DLGAP2: variants seen among roughly 807,000 people sequenced by gnomAD.
The protein encoded by DLGAP2 is disks large-associated protein 2.
DLGAP2 carries 26 observed loss-of-function variants against 100.3 expected under a neutral mutation model. The observed-to-expected ratio is 0.26, with a 90% CI of 0.19 to 0.36. DLGAP2 has a LOEUF of 0.36. Ranked by LOEUF, DLGAP2 falls within the 10% of genes least tolerant of loss-of-function variation. DLGAP2 has a pLI of 1.00. For missense variants in DLGAP2, 1,858 were observed against 1,453.2 expected (o/e 1.28, Z -4.53); for synonymous variants, 886 against 630.1 (o/e 1.41, Z -6.08).
At chr8:1,293,703 C>G (rs1800108943) in intron 3 of DLGAP2, among the ~76,000 whole-genome samples, 2 of 152,168 alleles carry the variant, frequency 1.3e-5, no homozygotes, top group African/African-American at 4.8e-5. Flanking sequence ...CCAGCCTGAG[C>G]CCTTCCCCAT....
At chr8:1,411,914 G>T (rs1007993795) in intron 3 of DLGAP2, among the ~76,000 whole-genome samples, 1 of 152,186 alleles carries the variant, frequency 6.6e-6, no homozygotes, top group Non-Finnish European at 1.5e-5. Context: ...CACAGAGTGT[G>T]GGGGTGGATG....
chr8:1,157,631 G>A (rs929441177), intron 2 of DLGAP2, among the ~76,000 whole-genome samples: 1 of 152,150 alleles, frequency 6.6e-6, no homozygotes, highest in Non-Finnish European at 1.5e-5. Context: ...TCACCTGTGT[G>A]TCCTCTTTGG....
At position 1,668,397 on chromosome 8, in the gene DLGAP2, A is replaced by G. The variant is rs1255748221; in HGVS notation, c.1879A>G (p.Ile627Val). ...CCCTCGGACCACCTCCAAGCCTCTG[A>G]TCTCGGTGACGGCGCAGAGCAGCAC... Reference protein sequence around the residue: ...VPPRTTSKPLISVTAQSSTES... With the variant: ...VPPRTTSKPLVSVTAQSSTES... The change falls in exon 9 of 15, where the codon ATC becomes GTC. Residue 627 changes from isoleucine to valine, a missense_variant. By Grantham distance (29) the Ile-to-Val change is conservative (BLOSUM62 3). Coordinates refer to ENST00000637795, the MANE Select transcript of DLGAP2 (RefSeq NM_001346810.2). 8.1e-6 allele frequency: 13 copies of G among 1,603,108 alleles called. No individual in the cohort carries two copies. The highest frequency in any genetic ancestry group is 1.1e-5 in the Non-Finnish European group (13 of 1,175,348).
chr8:1,098,694 C>G (rs867123882), intron 2 of DLGAP2, among the ~76,000 whole-genome samples: 2 of 118,508 alleles, frequency 1.7e-5, no homozygotes, highest in South Asian at 2.8e-4. Context: ...CGGGCGCCGC[C>G]ACCCACGCCA....
intron 4 of DLGAP2, among the ~76,000 whole-genome samples, chr8:1,538,548 C>T (rs1036229832): frequency 9.9e-5 from 15 of 152,190 alleles, no homozygotes; most frequent in South Asian, 2.1e-4. Context: ...AAAGCTGCTC[C>T]GTGCAGGGCG....
chr8:1,077,064 G>A (rs749387724), intron 2 of DLGAP2, among the ~76,000 whole-genome samples: 4 of 151,790 alleles, frequency 2.6e-5, no homozygotes, highest in Non-Finnish European at 4.4e-5. Flanking sequence ...AGTCTGTCCC[G>A]GGCTCCCCCA....
chr8:1,549,626 C>A lies in DLGAP2; in HGVS notation c.1173C>A (p.Asp391Glu), dbSNP rs150999171. ...ACCGCAAGAGCTCGCTGAACCTGGACAAGCCGCTGCTGCACCAGGACGCCA... is the reference window on the plus strand; with the variant it reads ...ACCGCAAGAGCTCGCTGAACCTGGAAAAGCCGCTGCTGCACCAGGACGCCA... ...EAYRKSSLNL[D>E]KPLLHQDAKP... is the part of the protein sequence containing the mutation. Residue 391 changes from aspartate (D) to glutamate (E), a missense_variant, in exon 5 of 15, where the codon GAC becomes GAA. Coordinates refer to ENST00000637795, the MANE Select transcript of DLGAP2 (RefSeq NM_001346810.2). 8.0e-5 allele frequency: 125 copies of A among 1,563,498 alleles called. No homozygotes were observed. The highest frequency in any genetic ancestry group is 3.8e-4 in the Admixed American group (20 of 52,066).
chr8:1,483,664 G>GCAGGGAGGCAGGTGCAGGAGATGGGGAC (rs1799163460), intron 3 of DLGAP2, among the ~76,000 whole-genome samples: 1 of 121,996 alleles, frequency 8.2e-6, no homozygotes. Flanking sequence ...TCTACACAGA[G>GCAGGGAGGCAGGTGCAGGAGATGGGGAC]CAGGGAGGCA....
chr8:1,305,664 C>T (rs1800472784), intron 3 of DLGAP2, among the ~76,000 whole-genome samples: 1 of 152,206 alleles, frequency 6.6e-6, no homozygotes, highest in Non-Finnish European at 1.5e-5. Context: ...ACCATAAACA[C>T]TGCAGGCCTC....
chr8:944,941 T>TG (rs1169603301), intron 2 of DLGAP2, among the ~76,000 whole-genome samples: 1 of 152,092 alleles, frequency 6.6e-6, no homozygotes, highest in Non-Finnish European at 1.5e-5. Flanking sequence ...GTGGGTGATC[T>TG]GGTGGGTGGT....
chr8:1,174,919 T>TA (rs1216007288), intron 2 of DLGAP2, among the ~76,000 whole-genome samples: 1 of 152,064 alleles, frequency 6.6e-6, no homozygotes, highest in Non-Finnish European at 1.5e-5. Flanking sequence ...TGAGAGAGCT[T>TA]ATGTTGTTCA....
chr8:1,499,235 C>A (rs941831022), intron 3 of DLGAP2, among the ~76,000 whole-genome samples: 1 of 152,240 alleles, frequency 6.6e-6, no homozygotes, highest in African/African-American at 2.4e-5. Flanking sequence ...ATGCCTGTTG[C>A]TGCTGGTGTT....
intron 1 of DLGAP2, among the ~76,000 whole-genome samples, chr8:787,195 TC>T (rs1229316400): frequency 6.6e-6 from 1 of 152,308 alleles, no homozygotes; most frequent in East Asian, 1.9e-4. Context: ...AGCTGGTCCT[TC>T]CTTTGAAGAC....
intron 3 of DLGAP2, among the ~76,000 whole-genome samples, chr8:1,410,128 C>G (rs1282264963): frequency 2.6e-5 from 4 of 152,082 alleles, no homozygotes; most frequent in African/African-American, 9.7e-5. Context: ...ACCAAGTGCC[C>G]AAGGGGAAGG....
intron 1 of DLGAP2, among the ~76,000 whole-genome samples, chr8:881,652 A>T (rs1797795930): frequency 1.4e-5 from 1 of 71,004 alleles, no homozygotes; most frequent in Non-Finnish European, 3.7e-5. Flanking sequence ...GGCGCACGCC[A>T]CCACTTGTGG....
chr8:1,285,157 C>A (rs978939484), intron 3 of DLGAP2, among the ~76,000 whole-genome samples: 1 of 152,234 alleles, frequency 6.6e-6, no homozygotes, highest in East Asian at 1.9e-4. Flanking sequence ...GCTCTTGCAT[C>A]GTATTTTTCT....
At chr8:859,833 C>A (rs1237277977) in intron 1 of DLGAP2, among the ~76,000 whole-genome samples, 1 of 152,108 alleles carries the variant, frequency 6.6e-6, no homozygotes, top group Non-Finnish European at 1.5e-5. Context: ...TAGGGGCCAC[C>A]TCACAGGCAG....
chr8:1,442,130 T>C (rs182064266), intron 3 of DLGAP2, among the ~76,000 whole-genome samples: 20 of 152,348 alleles, frequency 1.3e-4, no homozygotes, highest in Admixed American at 2.0e-4. Context: ...GATCCAGGCA[T>C]AGACCCTCTG....
intron 2 of DLGAP2, among the ~76,000 whole-genome samples, chr8:1,115,494 T>C (rs1374274221): frequency 1.3e-5 from 2 of 152,206 alleles, no homozygotes; most frequent in African/African-American, 4.8e-5. Flanking sequence ...TAATAACTAC[T>C]TTATAAAAAT....
Sources: gnomAD v4.1 joint callset for allele counts (sites outside exome capture counted in the v4.1 genomes callset) on GRCh38, gnomAD v4.1.1 for gene constraint, MANE v1.5 for transcripts, NCBI Gene and HGNC (gene_info 2026-07-23, HGNC 2026-07-21) for gene names.